Variants in ABCA13 observed in about 807,000 individuals in gnomAD.
The protein encoded by ABCA13 is ATP-binding cassette sub-family A member 13.
Under a neutral mutation model 478.7 loss-of-function variants are expected in ABCA13, and 476 were observed. The observed-to-expected ratio is 0.99, with a 90% confidence interval of 0.92 to 1.07. The LOEUF is 1.07. Ranked by LOEUF, ABCA13 falls within the 50% of genes least tolerant of loss-of-function variation. ABCA13 has a pLI of 0.00. For synonymous variants in ABCA13, 2,252 were observed against 2,158.9 expected (o/e 1.04, Z -1.20); for missense variants, 6,060 against 5,910.6 (o/e 1.03, Z -0.83).
chr7:48,366,690 G>A (rs1407744371), intron 31 of ABCA13, among the ~76,000 whole-genome samples: 1 of 152,044 alleles, frequency 6.6e-6, no homozygotes, highest in Non-Finnish European at 1.5e-5. Context: ...CAAGTACCTG[G>A]AATCTATCAA....
intron 39 of ABCA13, 190 bp downstream of exon 39, chr7:48,404,069 C>T (rs939827079): frequency 1.2e-5 from 8 of 662,378 alleles, no homozygotes; most frequent in African/African-American, 8.9e-5. Flanking sequence ...CTTAGAATTG[C>T]TTACTTTGTG....
intron 55 of ABCA13, among the ~76,000 whole-genome samples, chr7:48,533,658 A>T (rs1429816626): frequency 1.3e-5 from 2 of 152,056 alleles, no homozygotes; most frequent in Non-Finnish European, 2.9e-5. Flanking sequence ...TAATTGTTTT[A>T]TAAATTTAGG....
At chr7:48,197,207 T>C (rs1322341912) in intron 2 of ABCA13, among the ~76,000 whole-genome samples, 1 of 152,174 alleles carries the variant, frequency 6.6e-6, no homozygotes, top group Non-Finnish European at 1.5e-5. Context: ...TACATATGAA[T>C]GTGAAAACCG....
intron 4 of ABCA13, among the ~76,000 whole-genome samples, chr7:48,220,338 C>T (rs913684654): frequency 2.6e-5 from 4 of 152,000 alleles, no homozygotes; most frequent in South Asian, 4.1e-4. Flanking sequence ...ATGTATGTCC[C>T]AAGTGTTACA....
intron 1 of ABCA13, among the ~76,000 whole-genome samples, chr7:48,174,055 C>T (rs528189884): frequency 6.6e-6 from 1 of 152,318 alleles, no homozygotes; most frequent in South Asian, 2.1e-4. Context: ...ATATTGAGGG[C>T]AGGCCCCTCT....
chr7:48,408,705 A>G (rs1233554150), intron 39 of ABCA13, among the ~76,000 whole-genome samples: 2 of 152,004 alleles, frequency 1.3e-5, no homozygotes, highest in Non-Finnish European at 2.9e-5. Context: ...TTTTACTTAC[A>G]TTTTAAATTC....
chr7:48,482,909 T>G (rs528816461), intron 46 of ABCA13, among the ~76,000 whole-genome samples, 167 bp from the exon 47 acceptor site: 1 of 152,316 alleles, frequency 6.6e-6, no homozygotes, highest in African/African-American at 2.4e-5. Flanking sequence ...GAAACTTGCA[T>G]CAGCACAGCA....
chr7:48,455,191 C>A lies in ABCA13; in HGVS notation c.12720C>A (p.Ala4240=). 6.3e-7 allele frequency: 1 copy of A among 1,592,298 alleles called. No homozygotes were observed. The highest frequency in any genetic ancestry group is 1.7e-5 in the Admixed American group (1 of 57,150). ...TGCCAGTCCTCTTCGTGGCCTTGGC[C>A]ATGGGCTTGTTCATGGTGAGACCCC... ...LLLPVLFVAL[A]MGLFMVRPLA... is the part of the protein sequence containing the mutation. The change falls in exon 43 of 62, where the codon GCC becomes GCA. Residue 4240 remains alanine, a synonymous_variant. Transcript: ENST00000435803.
chr7:48,355,795 C>A (rs980758977), intron 31 of ABCA13, among the ~76,000 whole-genome samples: 2 of 151,886 alleles, frequency 1.3e-5, no homozygotes, highest in South Asian at 4.2e-4. Context: ...AACTGGATTG[C>A]TGGAATTATC....
chr7:48,371,484 AGAG>A (rs748296450), intron 32 of ABCA13, among the ~76,000 whole-genome samples: 7 of 152,110 alleles, frequency 4.6e-5, no homozygotes, highest in Non-Finnish European at 7.3e-5. Flanking sequence ...TTCTCCTTGT[AGAG>A]GTCCTTCATC....
chr7:48,645,980 A>T lies in ABCA13; in HGVS notation c.*468A>T, dbSNP rs1439381492. The T allele has an allele frequency of 1.9e-5, 3 of 157,468 alleles. No individual in the cohort carries two copies. Among genetic ancestry groups the T allele is most frequent in the Admixed American group, 6.5e-5 (1 of 15,326 alleles). 9.8% of individuals were successfully genotyped at this position (157,468 alleles called of 1,614,324 possible). A position where few individuals can be genotyped will look rare whatever the true frequency, so the allele number is the denominator to read the frequency against. ...ACAAGGACTATTTTCTATTGTTGTCATCTATTTACTAGATACATGTTTTTA... is the reference window on the plus strand; with the variant it reads ...ACAAGGACTATTTTCTATTGTTGTCTTCTATTTACTAGATACATGTTTTTA... On this transcript the variant is annotated 3_prime_UTR_variant, in exon 62 of 62. Coordinates refer to ENST00000435803, the MANE Select transcript of ABCA13 (RefSeq NM_152701.5).
intron 1 of ABCA13, among the ~76,000 whole-genome samples, chr7:48,177,687 C>T (rs924627505): frequency 2.6e-5 from 4 of 152,224 alleles, no homozygotes; most frequent in Non-Finnish European, 5.9e-5. Context: ...TCTCTGGCTG[C>T]AGTCATACAG....
At chr7:48,316,742 G>T (rs2128896410) in intron 26 of ABCA13, among the ~76,000 whole-genome samples, 1 of 152,308 alleles carries the variant, frequency 6.6e-6, no homozygotes, top group Non-Finnish European at 1.5e-5. Context: ...AGAAATTGAA[G>T]GGGAGATGCC....
At position 48,372,467 on chromosome 7, in the gene ABCA13, C is replaced by T. The variant is rs767407957; in HGVS notation, c.11103C>T (p.Asn3701=). 6.4e-7 allele frequency: 1 copy of T among 1,572,864 alleles called. No individual in the cohort carries two copies. Among genetic ancestry groups the T allele is most frequent in the Non-Finnish European group, 8.6e-7 (1 of 1,156,120 alleles). The part of the protein sequence containing the change: ...LPYIVLLVLH[N]QLSFVNQTFL... ...ACATAGTTCTATTGGTTCTACATAA[C>T]CAATTAAGTTTTGTTAATCAGACAT... Residue 3701 remains asparagine (N), a synonymous_variant, in exon 33 of 62, where the codon AAC becomes AAT. Transcript: ENST00000435803.
chr7:48,432,601 A>G (rs1319787393), intron 42 of ABCA13, among the ~76,000 whole-genome samples: 1 of 152,184 alleles, frequency 6.6e-6, no homozygotes, highest in Non-Finnish European at 1.5e-5. Context: ...TGGATAAAGA[A>G]AATATGGCAT....
chr7:48,252,812 A>G (rs1792773266), intron 15 of ABCA13, among the ~76,000 whole-genome samples: 1 of 152,178 alleles, frequency 6.6e-6, no homozygotes, highest in Non-Finnish European at 1.5e-5. Context: ...TTTAGCGGAC[A>G]ATCTCTGGAG....
At position 48,273,975 on chromosome 7, in the gene ABCA13, A is replaced by C. The variant is rs770801649; in HGVS notation, c.4309A>C (p.Ile1437Leu). 3 of 1,610,162 alleles carry C rather than the reference A, an allele frequency of 1.9e-6. No individual in the cohort carries two copies. The highest frequency in any genetic ancestry group is 1.7e-6 in the Non-Finnish European group (2 of 1,177,658). Residue 1437 changes from isoleucine to leucine, a missense_variant, in exon 17 of 62, where the codon ATT becomes CTT. Physicochemically the swap from Ile to Leu is conservative, Grantham distance 5 (BLOSUM62 2). This residue lies in a region of ABCA13 where 4,423 missense variants were observed against 4,309.1 expected (regional missense o/e 1.03). Transcript: ENST00000435803. The part of the protein sequence containing the change: ...IENKMNSILK[I>L]VTWVLNIKKP... ...AAACAAAATGAACTCTATATTAAAA[A>C]TTGTAACTTGGGTGTTAAATATAAA...
At chr7:48,368,699 A>ACACATT (rs1812120459) in intron 32 of ABCA13, among the ~76,000 whole-genome samples, 1 of 140,532 alleles carries the variant, frequency 7.1e-6, no homozygotes, top group Non-Finnish European at 1.6e-5. Context: ...ATATATATAT[A>ACACATT]TATATATATA....
chr7:48,412,668 G>C, intron 41 of ABCA13, 85 bp downstream of exon 41: 1 of 1,104,288 alleles, frequency 9.1e-7, no homozygotes, highest in Non-Finnish European at 1.2e-6. Flanking sequence ...GTAAAGGGGG[G>C]GAGATGTGGG....
Sources: gnomAD v4.1 joint callset for allele counts (sites outside exome capture counted in the v4.1 genomes callset) on GRCh38, gnomAD v4.1.1 for gene constraint, gnomAD v4.1.1 regional missense constraint, MANE v1.5 for transcripts, NCBI Gene and HGNC (gene_info 2026-07-23, HGNC 2026-07-21) for gene names.